Variants in SRRM1 observed in about 807,000 individuals in gnomAD.
The protein encoded by SRRM1 is serine and arginine repetitive matrix 1, also known as serine/arginine repetitive matrix protein 1.
A neutral mutation model predicts 110.2 loss-of-function variants in SRRM1; 19 were observed. The ratio of observed to expected loss-of-function variants is 0.17; its 90% confidence interval spans 0.12 to 0.25. The LOEUF (loss-of-function observed/expected upper bound fraction) is 0.25. Among genes scored for constraint, SRRM1 ranks in the 10% least tolerant of loss-of-function variants. SRRM1 has a pLI of 1.00. For synonymous variants in SRRM1, 443 were observed against 414.9 expected (o/e 1.07, Z -0.82); for missense variants, 918 against 1,145.8 (o/e 0.80, Z 2.87).
At chr1:24,669,865 G>A (rs1175786114) in intron 14 of SRRM1, 2 of 555,940 alleles carry the variant, frequency 3.6e-6, no homozygotes, top group Non-Finnish European at 6.3e-6. Context: ...CATTTCTTGT[G>A]TGTGATGTAA....
Position 24,643,492 on chromosome 1 carries a change from C to T in SRRM1, c.21+145C>T, listed in dbSNP as rs972689199. 1,445 of 578,448 alleles carry T rather than the reference C, an allele frequency of 2.5e-3. 98 individuals carry two copies. In the African/African-American group the frequency reaches 0.033, roughly 13 times the overall value. The allele number at this position is 578,448 out of a possible 1,614,324, so 35.8% of individuals were successfully genotyped here. ...TCCTAGAGCCGGCGCACCCCCCCCC[C>T]CCCCGTGCGCTGCGGCGGAGACCGG... On this transcript the variant is annotated intron_variant, in intron 1 of 16. Transcript: ENST00000323848.
At chr1:24,658,373 G>A (rs1665403946) in intron 9 of SRRM1, among the ~76,000 whole-genome samples, 1 of 152,048 alleles carries the variant, frequency 6.6e-6, no homozygotes, top group Non-Finnish European at 1.5e-5. Flanking sequence ...ACCACACCCA[G>A]CTAATACAAA....
At chr1:24,664,664 T>C (rs889099996) in intron 12 of SRRM1, among the ~76,000 whole-genome samples, 1 of 152,198 alleles carries the variant, frequency 6.6e-6, no homozygotes, top group Non-Finnish European at 1.5e-5. Context: ...GCAGTGTTTG[T>C]GATGGAGCAA....
chr1:24,653,038 A>G lies in SRRM1; in HGVS notation c.1040+6A>G. On this transcript the variant is annotated splice_donor_region_variant and intron_variant, in intron 8 of 16. Coordinates refer to ENST00000323848, the MANE Select transcript of SRRM1 (RefSeq NM_005839.4). Reference sequence around the variant, plus strand: ...AGTAGATCTCCAGTAAGACGGTAAGATTTTTTAAATTTGGAAGTGTCAAGT... The same window carrying G: ...AGTAGATCTCCAGTAAGACGGTAAGGTTTTTTAAATTTGGAAGTGTCAAGT... The G allele has an allele frequency of 1.2e-6, 2 of 1,609,356 alleles. No homozygotes were observed. The highest frequency in any genetic ancestry group is 1.7e-6 in the Non-Finnish European group (2 of 1,178,084).
chr1:24,662,857 T>C, intron 12 of SRRM1, 53 bp downstream of exon 12: 1 of 1,582,484 alleles, frequency 6.3e-7, no homozygotes, highest in Non-Finnish European at 8.6e-7. Flanking sequence ...TGTGATGAAA[T>C]TTGATAACTT....
rs752075816 is a variant in SRRM1 at position 24,651,467 on chromosome 1, A to G, written c.580A>G (p.Lys194Glu). 3.1e-6 allele frequency: 5 copies of G among 1,614,036 alleles called. No homozygotes were observed. The highest frequency in any genetic ancestry group is 2.7e-5 in the African/African-American group (2 of 74,910). ...ATCTTCCCCTGTCAGGAGAGAGAGA[A>G]AGCGCAGTCATTCTCGATCTCCCCG... ...RRSSPVRRER[K>E]RSHSRSPRHR... The change falls in exon 6 of 17, where the codon AAG becomes GAG. Residue 194 changes from lysine (K) to glutamate (E), a missense_variant. By Grantham distance (56) the Lys-to-Glu change is moderately conservative (BLOSUM62 1). Coordinates refer to ENST00000323848, the MANE Select transcript of SRRM1 (RefSeq NM_005839.4).
chr1:24,671,361 G>C, intron 15 of SRRM1, 25 bp from the exon 16 acceptor site: 1 of 1,561,126 alleles, frequency 6.4e-7, no homozygotes, highest in South Asian at 1.2e-5. Flanking sequence ...TATAAATGCT[G>C]GGTGTTGTTT....
chr1:24,659,466 A>G (rs1366017526), intron 9 of SRRM1, among the ~76,000 whole-genome samples: 2 of 152,226 alleles, frequency 1.3e-5, no homozygotes, highest in Non-Finnish European at 2.9e-5. Context: ...AATTGTCTGT[A>G]GGTTTATTTC....
intron 9 of SRRM1, among the ~76,000 whole-genome samples, chr1:24,659,330 A>G (rs938131709): frequency 6.6e-6 from 1 of 152,172 alleles, no homozygotes; most frequent in Non-Finnish European, 1.5e-5. Context: ...TGCCCCTTGG[A>G]ATAAACCATT....
In SRRM1 at chr1:24,646,721, G is replaced by A. The variant is rs1324841829; in HGVS notation, c.166G>A (p.Val56Ile). 6 of 1,608,574 alleles carry A rather than the reference G, an allele frequency of 3.7e-6. No homozygotes were observed. The highest frequency in any genetic ancestry group is 1.7e-5 in the Admixed American group (1 of 58,990). The change falls in exon 3 of 17, where the codon GTA becomes ATA. Residue 56 changes from valine (V) to isoleucine (I), a missense_variant. Physicochemically the swap from Val to Ile is conservative, Grantham distance 29 (BLOSUM62 3). Coordinates refer to ENST00000323848, the MANE Select transcript of SRRM1 (RefSeq NM_005839.4). ...EVIKPWITKR[V>I]TEILGFEDDV... ...TATAAAGCCTTGGATAACAAAAAGA[G>A]TAACGGAAATCCTTGGGTTTGAAGA... is the stretch of plus-strand genomic sequence containing the variant.
At chr1:24,667,738 G>A (rs572729834) in intron 13 of SRRM1, among the ~76,000 whole-genome samples, 2 of 152,244 alleles carry the variant, frequency 1.3e-5, no homozygotes, top group African/African-American at 4.8e-5. Context: ...TTCAGTAGTG[G>A]AAAACTGGGT....
chr1:24,663,607 G>A (rs1668337763), intron 12 of SRRM1, among the ~76,000 whole-genome samples: 1 of 151,944 alleles, frequency 6.6e-6, no homozygotes, highest in South Asian at 2.1e-4. Flanking sequence ...ACATTAGGGA[G>A]GGCAAGGAAA....
chr1:24,652,840 C>T, intron 7 of SRRM1, 73 bp from the exon 8 acceptor site: 1 of 1,501,222 alleles, frequency 6.7e-7, no homozygotes, highest in Non-Finnish European at 8.9e-7. Flanking sequence ...TTAGATGTGG[C>T]CATTGAGAAA....
At chr1:24,665,298 G>A (rs763944538) in intron 12 of SRRM1, among the ~76,000 whole-genome samples, 1 of 152,034 alleles carries the variant, frequency 6.6e-6, no homozygotes, top group South Asian at 2.1e-4. Context: ...GCGTGGTGGC[G>A]CATGCCTGTA....
At chr1:24,652,724 T>C (rs1292557136) in intron 7 of SRRM1, 96 bp downstream of exon 7, 2 of 1,330,782 alleles carry the variant, frequency 1.5e-6, no homozygotes, top group Non-Finnish European at 1.0e-6. Flanking sequence ...GTAGAAGATG[T>C]TTAGTACAAA....
In SRRM1 at chr1:24,673,079, C is replaced by T. The variant is rs1218232237; in HGVS notation, c.*793C>T. The T allele has an allele frequency of 2.0e-5, 3 of 151,688 alleles. No homozygotes were observed. The highest frequency in any genetic ancestry group is 2.9e-5 in the Non-Finnish European group (2 of 67,946). The allele number at this position is 151,688 out of a possible 1,614,324, so 9.4% of individuals were successfully genotyped here. ...GTCATGGCTCTGTTCATATTTTTGTCTTGTTCTTCCAATTGGTATATACAA... is the reference window on the plus strand; with the variant it reads ...GTCATGGCTCTGTTCATATTTTTGTTTTGTTCTTCCAATTGGTATATACAA... On this transcript the variant is annotated 3_prime_UTR_variant, in exon 17 of 17. Coordinates refer to ENST00000323848, the MANE Select transcript of SRRM1 (RefSeq NM_005839.4).
rs777621334 is a variant in SRRM1 at position 24,670,243 on chromosome 1, G to T, written c.2328G>T (p.Pro776=). ...APPSPVQSQS[P]STNWSPAVPV... ...CATCCCCCGTCCAGTCTCAGTCACC[G>T]TCTACAAACTGGTCACCAGCTGTAC... The change falls in exon 15 of 17, where the codon CCG becomes CCT. Residue 776 remains proline (P), a synonymous_variant. Coordinates refer to ENST00000323848, the MANE Select transcript of SRRM1 (RefSeq NM_005839.4). The T allele has an allele frequency of 6.2e-7, 1 of 1,613,976 alleles. No homozygotes were observed. Among genetic ancestry groups the T allele is most frequent in the Non-Finnish European group, 8.5e-7 (1 of 1,180,036 alleles).
chr1:24,668,926 G>T (rs1346200428), intron 13 of SRRM1, among the ~76,000 whole-genome samples, 197 bp from the exon 14 acceptor site: 1 of 151,932 alleles, frequency 6.6e-6, no homozygotes, highest in Non-Finnish European at 1.5e-5. Flanking sequence ...CCTGCAGACA[G>T]TGTCCTGTGT....
chr1:24,666,401 C>T lies in SRRM1; in HGVS notation c.1629-414C>T, dbSNP rs927422124. 2.0e-4 allele frequency among the ~76,000 whole-genome samples: 30 copies of T among 152,074 alleles called. 1 individual carries two copies. Among genetic ancestry groups the T allele is most frequent in the Admixed American group, 1.9e-3 (29 of 15,254 alleles). ...CTGAAACTTAGTAACCATTGCTGCC[C>T]TTGGGGTTAATGATAATTGAAACCG... On this transcript the variant is annotated intron_variant, in intron 12 of 16. Transcript: ENST00000323848.
Sources: gnomAD v4.1 joint callset for allele counts (sites outside exome capture counted in the v4.1 genomes callset) on GRCh38, gnomAD v4.1.1 for gene constraint, MANE v1.5 for transcripts, NCBI Gene and HGNC (gene_info 2026-07-23, HGNC 2026-07-21) for gene names.